The following SLC16A10 variants were observed in gnomAD, a reference collection of about 807,000 sequenced individuals.
The protein encoded by SLC16A10 is monocarboxylate transporter 10.
In SLC16A10, 27 loss-of-function variants were observed where a neutral mutation model predicts 40.0. The ratio of observed to expected loss-of-function variants is 0.67; its 90% confidence interval spans 0.50 to 0.93. The LOEUF is 0.93. Among genes scored for constraint, SLC16A10 ranks in the 40% least tolerant of loss-of-function variants. SLC16A10 has a pLI of 0.00. For synonymous variants in SLC16A10, 213 were observed against 249.8 expected (o/e 0.85, Z 1.39); for missense variants, 529 against 658.2 (o/e 0.80, Z 2.15).
chr6:111,223,353 T>C lies in SLC16A10; in HGVS notation c.*1118T>C, dbSNP rs562091452. On this transcript the variant is annotated 3_prime_UTR_variant, in exon 6 of 6. Coordinates refer to ENST00000368851, the MANE Select transcript of SLC16A10 (RefSeq NM_018593.5). Reference sequence around the variant, plus strand: ...TATGAACATTCCCATTGTTTTTTTTTGCTATTTATATACAGATTATCATAA... The same window carrying C: ...TATGAACATTCCCATTGTTTTTTTTCGCTATTTATATACAGATTATCATAA... 2 of 152,304 alleles carry C rather than the reference T, an allele frequency of 1.3e-5. No individual in the cohort carries two copies. The highest frequency in any genetic ancestry group is 2.4e-5 in the African/African-American group (1 of 41,558). 9.4% of individuals were successfully genotyped at this position (152,304 alleles called of 1,614,324 possible).
At chr6:111,090,652 T>G (rs1770958752) in intron 1 of SLC16A10, among the ~76,000 whole-genome samples, 1 of 152,140 alleles carries the variant, frequency 6.6e-6, no homozygotes, top group Non-Finnish European at 1.5e-5. Flanking sequence ...CACACAAAGG[T>G]GTTTCATGAA....
At chr6:111,125,540 G>C (rs922062715) in intron 1 of SLC16A10, among the ~76,000 whole-genome samples, 2 of 152,096 alleles carry the variant, frequency 1.3e-5, no homozygotes, top group African/African-American at 4.8e-5. Flanking sequence ...AACCGCCCCT[G>C]AAATTCCCTT....
At chr6:111,140,770 A>G (rs1771967813) in intron 1 of SLC16A10, among the ~76,000 whole-genome samples, 1 of 152,212 alleles carries the variant, frequency 6.6e-6, no homozygotes, top group Non-Finnish European at 1.5e-5. Context: ...CAAAGATGAT[A>G]GAATTTAATT....
At chr6:111,172,385 T>A (rs1772601698) in intron 1 of SLC16A10, among the ~76,000 whole-genome samples, 1 of 152,152 alleles carries the variant, frequency 6.6e-6, no homozygotes, top group Admixed American at 6.5e-5. Flanking sequence ...CATTTTTGAG[T>A]TTTTATGGAA....
At chr6:111,135,219 A>G (rs536458152) in intron 1 of SLC16A10, among the ~76,000 whole-genome samples, 1 of 152,334 alleles carries the variant, frequency 6.6e-6, no homozygotes, top group Admixed American at 6.5e-5. Context: ...TCTGGGCAAC[A>G]GAAGGACAAT....
intron 3 of SLC16A10, among the ~76,000 whole-genome samples, chr6:111,179,140 C>T (rs768278448): frequency 6.7e-6 from 1 of 149,930 alleles, no homozygotes; most frequent in African/African-American, 2.5e-5. Flanking sequence ...AAAAAAAATT[C>T]TCTTTGGTAC....
chr6:111,190,219 G>A (rs1056505959), intron 3 of SLC16A10, among the ~76,000 whole-genome samples: 1 of 152,192 alleles, frequency 6.6e-6, no homozygotes, highest in Admixed American at 6.5e-5. Context: ...GTTCCAAAAC[G>A]ATCTTCTTTG....
At chr6:111,148,185 TTC>T (rs1474933983) in intron 1 of SLC16A10, among the ~76,000 whole-genome samples, 2 of 152,176 alleles carry the variant, frequency 1.3e-5, no homozygotes, top group Non-Finnish European at 2.9e-5. Flanking sequence ...AAGCTATTTT[TTC>T]TCTCTCAGTT....
chr6:111,215,913 T>C (rs1476695858), intron 4 of SLC16A10, among the ~76,000 whole-genome samples: 1 of 152,104 alleles, frequency 6.6e-6, no homozygotes, highest in East Asian at 1.9e-4. Flanking sequence ...GAGGATCACT[T>C]TGAGCCCAGG....
chr6:111,182,938 G>A (rs7749280), intron 3 of SLC16A10, among the ~76,000 whole-genome samples: 3,610 of 152,214 alleles, frequency 0.024, 136 homozygotes, highest in African/African-American at 0.08. Context: ...AGGCTACCAC[G>A]TACCCCTAGC....
intron 1 of SLC16A10, among the ~76,000 whole-genome samples, chr6:111,145,358 A>C (rs1313646972): frequency 6.6e-6 from 1 of 152,170 alleles, no homozygotes; most frequent in Non-Finnish European, 1.5e-5. Context: ...CCATGTTTGC[A>C]TCACTGCACT....
At position 111,226,605 on chromosome 6, in the gene SLC16A10, A is replaced by G. The variant is rs1770999314; in HGVS notation, c.*4370A>G. ...GCTTTTCCAGTGTGTTGTCTTAAAA[A>G]TAGAAGGAAATAAAACTATTACCTT... is the stretch of plus-strand genomic sequence containing the variant. On this transcript the variant is annotated 3_prime_UTR_variant, in exon 6 of 6. Coordinates refer to ENST00000368851, the MANE Select transcript of SLC16A10 (RefSeq NM_018593.5). The G allele has an allele frequency of 6.6e-6, 1 of 152,254 alleles. No individual in the cohort carries two copies. The highest frequency in any genetic ancestry group is 2.1e-4 in the South Asian group (1 of 4,830). 9.4% of individuals were successfully genotyped at this position (152,254 alleles called of 1,614,324 possible).
intron 4 of SLC16A10, among the ~76,000 whole-genome samples, chr6:111,212,003 C>T (rs994857732): frequency 6.6e-6 from 1 of 152,334 alleles, no homozygotes; most frequent in Admixed American, 6.5e-5. Flanking sequence ...TGTGACAACT[C>T]TTCCCTCTTT....
chr6:111,211,883 C>T (rs2114588325), intron 4 of SLC16A10, among the ~76,000 whole-genome samples: 1 of 152,344 alleles, frequency 6.6e-6, no homozygotes, highest in South Asian at 2.1e-4. Flanking sequence ...GCCTTTTGGC[C>T]CATCCTTTAA....
chr6:111,206,481 A>C, intron 3 of SLC16A10, 111 bp from the exon 4 acceptor site: 1 of 1,120,180 alleles, frequency 8.9e-7, no homozygotes, highest in Non-Finnish European at 1.3e-6. Flanking sequence ...AATTTGGAAA[A>C]AGTTGCAAGC....
At chr6:111,182,761 A>G (rs1772825222) in intron 3 of SLC16A10, among the ~76,000 whole-genome samples, 1 of 152,128 alleles carries the variant, frequency 6.6e-6, no homozygotes, top group Admixed American at 6.5e-5. Flanking sequence ...GGAGCTGGCA[A>G]TTCCGCCCTT....
chr6:111,100,988 C>CTATATA (rs1390442093), intron 1 of SLC16A10, among the ~76,000 whole-genome samples: 59 of 77,632 alleles, frequency 7.6e-4, no homozygotes, highest in Non-Finnish European at 1.0e-3. Context: ...CTCTCTCTCT[C>CTATATA]TCTCTATATA....
At position 111,210,260 on chromosome 6, in the gene SLC16A10, G is replaced by T. The variant is rs1023210000; in HGVS notation, c.1086+3525G>T. On this transcript the variant is annotated intron_variant, in intron 4 of 5. Transcript: ENST00000368851. ...AGATGTGAACACTGAGGAACTGAGAGGCTACCTCACTGTGGGTGTCTGTGT... is the reference window on the plus strand; with the variant it reads ...AGATGTGAACACTGAGGAACTGAGATGCTACCTCACTGTGGGTGTCTGTGT... Among the ~76,000 whole-genome samples, 6 of 152,158 alleles carry T rather than the reference G, an allele frequency of 3.9e-5. No individual in the cohort carries two copies. The East Asian group carries it at 1.2e-3, about 29-fold the overall frequency.
chr6:111,164,424 C>A (rs1772433873), intron 1 of SLC16A10, among the ~76,000 whole-genome samples: 2 of 152,072 alleles, frequency 1.3e-5, no homozygotes, highest in Admixed American at 1.3e-4. Context: ...GTAATATGGC[C>A]TTACAAAACT....
Sources: allele counts gnomAD v4.1 joint callset (sites outside exome capture counted in the v4.1 genomes callset), GRCh38; gene constraint gnomAD v4.1.1; transcripts MANE v1.5; gene names NCBI Gene and HGNC (gene_info 2026-07-23, HGNC 2026-07-21).